BOLL: variants seen among roughly 807,000 people sequenced by gnomAD.
BOLL encodes the protein protein boule-like.
Under a neutral mutation model 44.4 loss-of-function variants are expected in BOLL, and 23 were observed. The ratio of observed to expected loss-of-function variants is 0.52; its 90% confidence interval spans 0.37 to 0.73. BOLL has a LOEUF of 0.73. Ranked by LOEUF, BOLL falls within the 30% of genes least tolerant of loss-of-function variation. The pLI, the probability that BOLL is intolerant of heterozygous loss-of-function variation, is 0.00. For synonymous variants in BOLL, 97 were observed against 110.8 expected (o/e 0.88, Z 0.78); for missense variants, 287 against 338.3 (o/e 0.85, Z 1.19).
intron 1 of BOLL, among the ~76,000 whole-genome samples, chr2:197,783,914 AAAT>A: frequency 6.6e-6 from 1 of 152,188 alleles, no homozygotes; most frequent in Admixed American, 6.5e-5. Flanking sequence ...CTCTTATTGA[AAAT>A]AAGATGTACT....
At chr2:197,737,002 T>G (rs1229722678) in intron 10 of BOLL, among the ~76,000 whole-genome samples, 1 of 152,086 alleles carries the variant, frequency 6.6e-6, no homozygotes, top group Non-Finnish European at 1.5e-5. Context: ...TACTGGCCCT[T>G]TATGACAAAG....
At chr2:197,769,396 G>A (rs961227954) in intron 6 of BOLL, among the ~76,000 whole-genome samples, 1 of 152,106 alleles carries the variant, frequency 6.6e-6, no homozygotes, top group Non-Finnish European at 1.5e-5. Flanking sequence ...TTGGGAGGGT[G>A]TATGTGTCCA....
chr2:197,749,189 C>G (rs918671136), intron 9 of BOLL, among the ~76,000 whole-genome samples: 1 of 152,190 alleles, frequency 6.6e-6, no homozygotes, highest in Non-Finnish European at 1.5e-5. Flanking sequence ...GCAATAACAT[C>G]AACATCAACA....
chr2:197,752,180 G>A (rs1175101555), intron 9 of BOLL, among the ~76,000 whole-genome samples: 1 of 151,972 alleles, frequency 6.6e-6, no homozygotes, highest in Non-Finnish European at 1.5e-5. Flanking sequence ...TATGACAAAC[G>A]AATAGCCAAT....
At position 197,734,056 on chromosome 2, in the gene BOLL, C is replaced by T. The variant is rs1279049808; in HGVS notation, c.829-5478G>A. Among the ~76,000 whole-genome samples the T allele has an allele frequency of 1.1e-4, 16 of 149,704 alleles. 1 individual carries two copies. The South Asian group carries it at 1.7e-3, about 16-fold the overall frequency. On this transcript the variant is annotated intron_variant, in intron 10 of 10. Coordinates refer to ENST00000392296, the MANE Select transcript of BOLL (RefSeq NM_033030.6). The stretch of plus-strand genomic sequence containing the variant: ...CAAAATGGGAGAAAATTTTTGCAAC[C>T]TACTCATCTGACAAAGGGCTAATAT...
chr2:197,743,973 C>A (rs1302135052), intron 9 of BOLL, among the ~76,000 whole-genome samples: 1 of 151,998 alleles, frequency 6.6e-6, no homozygotes, highest in African/African-American at 2.4e-5. Context: ...CTACACCCGG[C>A]TAATTTTTTG....
intron 10 of BOLL, among the ~76,000 whole-genome samples, chr2:197,729,555 A>G (rs1419128913): frequency 2.0e-5 from 3 of 152,178 alleles, no homozygotes; most frequent in Admixed American, 6.5e-5. Flanking sequence ...GCAGACTTAA[A>G]TGTCCCTGTC....
chr2:197,768,157 T>G (rs1689082409), intron 6 of BOLL, among the ~76,000 whole-genome samples: 1 of 152,044 alleles, frequency 6.6e-6, no homozygotes, highest in African/African-American at 2.4e-5. Flanking sequence ...AACTATAGTC[T>G]ACTAAGAATA....
chr2:197,772,260 A>G (rs543202941), intron 5 of BOLL, among the ~76,000 whole-genome samples: 7 of 152,190 alleles, frequency 4.6e-5, no homozygotes, highest in African/African-American at 1.7e-4. Context: ...TCAGATTCCA[A>G]CACCAGTATG....
chr2:197,727,617 T>G lies in BOLL; in HGVS notation c.*938A>C, dbSNP rs907773584. The G allele has an allele frequency of 6.6e-6, 1 of 152,316 alleles. No individual in the cohort carries two copies. The highest frequency in any genetic ancestry group is 2.4e-5 in the African/African-American group (1 of 41,462). The allele number at this position is 152,316 out of a possible 1,614,324, so 9.4% of individuals were successfully genotyped here. ...CATTTTATGAAAACAATTGTCCTTTTAAAAATTAATCACATATATAATTGA... is the reference window on the plus strand; with the variant it reads ...CATTTTATGAAAACAATTGTCCTTTGAAAAATTAATCACATATATAATTGA... On this transcript the variant is annotated 3_prime_UTR_variant, in exon 11 of 11. Coordinates refer to ENST00000392296, the MANE Select transcript of BOLL (RefSeq NM_033030.6).
chr2:197,773,297 G>A (rs528352926), intron 5 of BOLL, among the ~76,000 whole-genome samples: 11 of 151,712 alleles, frequency 7.3e-5, no homozygotes, highest in Non-Finnish European at 1.2e-4. Context: ...AATGAACCAT[G>A]CTTTACCTGC....
chr2:197,739,076 G>A (rs1284772183), intron 10 of BOLL, among the ~76,000 whole-genome samples: 5 of 152,076 alleles, frequency 3.3e-5, no homozygotes, highest in African/African-American at 7.2e-5. Flanking sequence ...GTGGGGTATC[G>A]TTTTGTATTG....
chr2:197,777,124 GC>G lies in BOLL; in HGVS notation c.222-12del. On this transcript the variant is annotated splice_polypyrimidine_tract_variant and intron_variant, in intron 3 of 10. Coordinates refer to ENST00000392296, the MANE Select transcript of BOLL (RefSeq NM_033030.6). The stretch of plus-strand genomic sequence containing the variant: ...GTGACGAAACCATACCTAAATAAAT[GC>G]ATTAATTATTACTAATTAATCATTT... The G allele has an allele frequency of 6.8e-7, 1 of 1,477,508 alleles. No homozygotes were observed. Among genetic ancestry groups the G allele is most frequent in the Non-Finnish European group, 9.3e-7 (1 of 1,080,986 alleles). 91.5% of individuals were successfully genotyped at this position (1,477,508 alleles called of 1,614,324 possible).
In BOLL at chr2:197,756,406, TTACTTTAAGACTAA is replaced by T. The variant is rs1341102735; in HGVS notation, c.729+8_729+21del. ...TTAACATGAGGTAGTTATAGATCAA[TTACTTTAAGACTAA>T]TACATACCTCTGGAACTGAAGTTTC... On this transcript the variant is annotated splice_region_variant and intron_variant, in intron 9 of 10. Transcript: ENST00000392296. 4 of 1,542,170 alleles carry T rather than the reference TTACTTTAAGACTAA, an allele frequency of 2.6e-6. No homozygotes were observed. Among genetic ancestry groups the T allele is most frequent in the Non-Finnish European group, 3.5e-6 (4 of 1,141,900 alleles).
intron 10 of BOLL, among the ~76,000 whole-genome samples, chr2:197,734,116 GA>G (rs1262324228): frequency 6.6e-6 from 1 of 150,400 alleles, no homozygotes; most frequent in Non-Finnish European, 1.5e-5. Flanking sequence ...AAATTTACAA[GA>G]AAAAAACAAA....
chr2:197,765,235 A>G (rs1422413988), intron 7 of BOLL, among the ~76,000 whole-genome samples: 2 of 152,048 alleles, frequency 1.3e-5, no homozygotes, highest in African/African-American at 4.8e-5. Context: ...TTCACTGTAT[A>G]CTGCTCGGGT....
intron 9 of BOLL, 55 bp from the exon 10 acceptor site, chr2:197,743,214 T>C: frequency 7.6e-7 from 1 of 1,317,494 alleles, no homozygotes; most frequent in Non-Finnish European, 1.0e-6. Flanking sequence ...ATTCTAAATA[T>C]TTACTCAGCA....
chr2:197,739,792 T>G (rs1401014811), intron 10 of BOLL, among the ~76,000 whole-genome samples: 1 of 152,174 alleles, frequency 6.6e-6, no homozygotes, highest in Non-Finnish European at 1.5e-5. Flanking sequence ...CTTTGGAAAT[T>G]TCTCCTATCC....
intron 3 of BOLL, among the ~76,000 whole-genome samples, chr2:197,778,430 C>T (rs1403815649): frequency 2.0e-5 from 3 of 151,824 alleles, no homozygotes; most frequent in Non-Finnish European, 4.4e-5. Context: ...ACATAGCATT[C>T]CACTGAAACA....
Sources: allele counts gnomAD v4.1 joint callset (sites outside exome capture counted in the v4.1 genomes callset), GRCh38; gene constraint gnomAD v4.1.1; transcripts MANE v1.5; gene names NCBI Gene and HGNC (gene_info 2026-07-23, HGNC 2026-07-21).